Variants in SCG5 observed in about 807,000 individuals in gnomAD.
The protein encoded by SCG5 is neuroendocrine protein 7B2.
A neutral mutation model predicts 25.7 loss-of-function variants in SCG5; 18 were observed. The ratio of observed to expected loss-of-function variants is 0.70; its 90% confidence interval spans 0.48 to 1.04. The LOEUF (loss-of-function observed/expected upper bound fraction) is 1.04, where lower values mean the gene tolerates loss of function less well. Ranked by LOEUF, SCG5 falls within the 50% of genes least tolerant of loss-of-function variation. The pLI, the probability that SCG5 is intolerant of heterozygous loss-of-function variation, is 0.00. For synonymous variants in SCG5, 101 were observed against 91.7 expected (o/e 1.10, Z -0.58); for missense variants, 206 against 259.8 (o/e 0.79, Z 1.42).
Position 32,650,274 on chromosome 15 carries a change from C to T in SCG5, c.226+6456C>T, listed in dbSNP as rs1053882974. Among the ~76,000 whole-genome samples, 4 of 151,586 alleles carry T rather than the reference C, an allele frequency of 2.6e-5. No homozygotes were observed. In the East Asian group the frequency reaches 5.8e-4, roughly 22 times the overall value. On this transcript the variant is annotated intron_variant, in intron 2 of 5. Transcript: ENST00000300175. ...CACCACACCTGGCTAATTTTTTTTTCGTATTTTTAGTAGAGACGGGGTTTC... is the reference window on the plus strand; with the variant it reads ...CACCACACCTGGCTAATTTTTTTTTTGTATTTTTAGTAGAGACGGGGTTTC...
intron 2 of SCG5, among the ~76,000 whole-genome samples, chr15:32,651,642 G>C (rs12910171): frequency 0.98 from 149,161 of 152,356 alleles, 73,017 homozygotes; most frequent in East Asian, 1. Flanking sequence ...GACTGGGACC[G>C]CCCAATGGGC....
intron 2 of SCG5, among the ~76,000 whole-genome samples, chr15:32,676,078 A>T (rs1041953144): frequency 6.6e-6 from 1 of 152,206 alleles, no homozygotes; most frequent in African/African-American, 2.4e-5. Context: ...CAACTGTATA[A>T]TATTAAAATT....
At position 32,673,734 on chromosome 15, in the gene SCG5, T is replaced by G. The variant is rs570671299; in HGVS notation, c.227-6032T>G. ...CATCTGGGACCATTTAATATAGGTT[T>G]GTTTGTTTGTTTGTTTTGAGACGGA... On this transcript the variant is annotated intron_variant, in intron 2 of 5. Coordinates refer to ENST00000300175, the MANE Select transcript of SCG5 (RefSeq NM_001144757.3). Among the ~76,000 whole-genome samples, 8 of 152,098 alleles carry G rather than the reference T, an allele frequency of 5.3e-5. No individual in the cohort carries two copies. The South Asian group carries it at 1.5e-3, about 28-fold the overall frequency.
At chr15:32,654,366 T>C (rs1362262671) in intron 2 of SCG5, among the ~76,000 whole-genome samples, 1 of 152,194 alleles carries the variant, frequency 6.6e-6, no homozygotes, top group Non-Finnish European at 1.5e-5. Context: ...GGGCTTCTTT[T>C]ATTACCATCA....
In SCG5 at chr15:32,649,157, A is replaced by G. The variant is rs188985303; in HGVS notation, c.226+5339A>G. ...ACTGGAATGTAAGCTCCATGAGGCT[A>G]TATCTGCTTATTAACTGCATTATAT... On this transcript the variant is annotated intron_variant, in intron 2 of 5. Transcript: ENST00000300175. 1.3e-3 allele frequency among the ~76,000 whole-genome samples: 202 copies of G among 152,288 alleles called. 3 individuals are homozygous for G. Among genetic ancestry groups the G allele is most frequent in the Middle Eastern group, 6.8e-3 (2 of 294 alleles).
intron 2 of SCG5, among the ~76,000 whole-genome samples, chr15:32,673,816 C>T (rs936105454): frequency 2.6e-5 from 4 of 152,084 alleles, no homozygotes; most frequent in Admixed American, 1.3e-4. Context: ...TCACTGCAAC[C>T]TCTACTCCCC....
At chr15:32,692,317 G>C in intron 5 of SCG5, 2 of 979,554 alleles carry the variant, frequency 2.0e-6, no homozygotes, top group Non-Finnish European at 2.4e-6. Flanking sequence ...TTTGTTTGCT[G>C]TCTGTTGAAT....
intron 2 of SCG5, among the ~76,000 whole-genome samples, chr15:32,663,057 ATATATATATATATAT>A (rs1405992245): frequency 1.2e-4 from 8 of 69,494 alleles, no homozygotes; most frequent in Admixed American, 2.6e-4. Context: ...ATATATATAT[ATATATATATATATAT>A]ATATATAATA....
At chr15:32,648,771 C>CT (rs67887619) in intron 2 of SCG5, among the ~76,000 whole-genome samples, 2,883 of 111,508 alleles carry the variant, frequency 0.026, 39 homozygotes, top group Middle Eastern at 0.053. Context: ...TTGCAGTCTC[C>CT]TTTTTTTTTT....
rs554852339 is a variant in SCG5, at chr15:32,652,843, G to T, written c.226+9025G>T. Among the ~76,000 whole-genome samples the T allele has an allele frequency of 3.3e-5, 5 of 152,106 alleles. No individual in the cohort carries two copies. In the East Asian group the frequency reaches 7.7e-4, roughly 23 times the overall value. The stretch of plus-strand genomic sequence containing the variant: ...TTAACTTTTACAACTATAACTATTA[G>T]TTATTTACTAGTTATAGTATAAACT... On this transcript the variant is annotated intron_variant, in intron 2 of 5. Coordinates refer to ENST00000300175, the MANE Select transcript of SCG5 (RefSeq NM_001144757.3).
At chr15:32,689,962 C>T (rs1278827151) in intron 4 of SCG5, among the ~76,000 whole-genome samples, 2 of 152,052 alleles carry the variant, frequency 1.3e-5, no homozygotes, top group Non-Finnish European at 2.9e-5. Context: ...CTGCCTCAGC[C>T]TCCTGAGTAG....
intron 3 of SCG5, among the ~76,000 whole-genome samples, chr15:32,683,388 A>G (rs2054651668): frequency 4.6e-5 from 7 of 152,192 alleles, no homozygotes; most frequent in Admixed American, 4.6e-4. Context: ...AATATATTAG[A>G]CATGGGAAAA....
At chr15:32,690,398 G>T (rs756570558) in intron 4 of SCG5, among the ~76,000 whole-genome samples, 8 of 152,154 alleles carry the variant, frequency 5.3e-5, no homozygotes, top group Admixed American at 3.9e-4. Context: ...GAGTTTTTAC[G>T]TTCACAGAAA....
intron 2 of SCG5, among the ~76,000 whole-genome samples, chr15:32,661,736 C>G (rs938509146): frequency 6.6e-6 from 1 of 152,138 alleles, no homozygotes; most frequent in Non-Finnish European, 1.5e-5. Context: ...TTTCTGCCAT[C>G]ACACACTCGG....
In SCG5 at chr15:32,684,600, C is replaced by T; in HGVS notation, c.420C>T (p.Phe140=). ...CLENTPDTAE[F]SREFQLHQHL... Reference sequence around the variant, plus strand: ...AAAACACCCCTGACACTGCAGAGTTCAGTCGAGAGTTCCAGTTGCACCAGC... The same window carrying T: ...AAAACACCCCTGACACTGCAGAGTTTAGTCGAGAGTTCCAGTTGCACCAGC... The change falls in exon 4 of 6, where the codon TTC becomes TTT. Residue 140 remains phenylalanine (F), a synonymous_variant. Coordinates refer to ENST00000300175, the MANE Select transcript of SCG5 (RefSeq NM_001144757.3). 2 of 1,613,814 alleles carry T rather than the reference C, an allele frequency of 1.2e-6. No individual in the cohort carries two copies. Among genetic ancestry groups the T allele is most frequent in the Non-Finnish European group, 1.7e-6 (2 of 1,179,798 alleles).
At chr15:32,650,129 C>T (rs959497439) in intron 2 of SCG5, among the ~76,000 whole-genome samples, 2 of 152,136 alleles carry the variant, frequency 1.3e-5, no homozygotes, top group African/African-American at 4.8e-5. Context: ...CGGAGTCTTG[C>T]TCTTTCGCCC....
intron 2 of SCG5, among the ~76,000 whole-genome samples, chr15:32,658,280 C>T (rs1183887287): frequency 6.6e-6 from 1 of 151,816 alleles, no homozygotes; most frequent in Non-Finnish European, 1.5e-5. Flanking sequence ...ATAGCTGCAA[C>T]CTACTAGATA....
At chr15:32,680,340 C>T (rs550903240) in intron 3 of SCG5, among the ~76,000 whole-genome samples, 1 of 151,852 alleles carries the variant, frequency 6.6e-6, no homozygotes, top group South Asian at 2.1e-4. Flanking sequence ...GGACTACAGG[C>T]GCCTGCCACC....
intron 2 of SCG5, among the ~76,000 whole-genome samples, chr15:32,656,458 T>C (rs925864805): frequency 2.0e-5 from 3 of 152,252 alleles, no homozygotes; most frequent in Non-Finnish European, 4.4e-5. Flanking sequence ...TCTCATTTGA[T>C]ACAGCCTTTA....
Sources: allele counts gnomAD v4.1 joint callset (sites outside exome capture counted in the v4.1 genomes callset), GRCh38; gene constraint gnomAD v4.1.1; transcripts MANE v1.5; gene names NCBI Gene and HGNC (gene_info 2026-07-23, HGNC 2026-07-21).